The following SMC1B variants were observed in gnomAD, a reference collection of about 807,000 sequenced individuals.
SMC1B encodes the protein structural maintenance of chromosomes protein 1B.
In SMC1B, 60 loss-of-function variants were observed where a neutral mutation model predicts 157.9. That is an observed-to-expected ratio of 0.38 (90% CI 0.31 to 0.47). The LOEUF is 0.47. Ranked by LOEUF, SMC1B falls within the 20% of genes least tolerant of loss-of-function variation. The pLI, the probability that SMC1B is intolerant of heterozygous loss-of-function variation, is 0.99. For missense variants in SMC1B, 1,165 were observed against 1,426.2 expected (o/e 0.82, Z 2.95); for synonymous variants, 445 against 483.0 (o/e 0.92, Z 1.03).
intron 4 of SMC1B, among the ~76,000 whole-genome samples, chr22:45,403,673 A>G (rs542560368): frequency 8.5e-4 from 129 of 152,146 alleles, no homozygotes; most frequent in African/African-American, 3.0e-3. Flanking sequence ...TGCCCAGGCT[A>G]GTCTCGAACT....
At position 45,386,995 on chromosome 22, in the gene SMC1B, T is replaced by C; in HGVS notation, c.1783A>G (p.Ile595Val). 3 of 1,614,088 alleles carry C rather than the reference T, an allele frequency of 1.9e-6. No individual in the cohort carries two copies. Among genetic ancestry groups the C allele is most frequent in the Non-Finnish European group, 2.5e-6 (3 of 1,179,958 alleles). Reference protein sequence around the residue: ...LRELKGCKMVIDVIKTQFPQL... With the variant: ...LRELKGCKMVVDVIKTQFPQL... ...GGAAACTGAGTCTTTATGACATCAA[T>C]CACCATTTTACAGCCTTTAAGCTCC... is the stretch of plus-strand genomic sequence containing the variant. Residue 595 changes from isoleucine (I) to valine (V), a missense_variant, in exon 11 of 25, where the codon ATT becomes GTT. By Grantham distance (29) the Ile-to-Val change is conservative (BLOSUM62 3). Transcript: ENST00000357450.
intron 23 of SMC1B, among the ~76,000 whole-genome samples, chr22:45,347,174 G>C (rs28430795): frequency 2.0e-5 from 3 of 152,024 alleles, no homozygotes; most frequent in African/African-American, 7.3e-5. Flanking sequence ...GCATTCAGGA[G>C]ACAACTCAAG....
chr22:45,383,960 T>C (rs1232997292), intron 11 of SMC1B, among the ~76,000 whole-genome samples: 1 of 152,218 alleles, frequency 6.6e-6, no homozygotes, highest in Non-Finnish European at 1.5e-5. Context: ...ACATGCTAAG[T>C]TCCTCAAATG....
Position 45,359,912 on chromosome 22 carries a change from G to T in SMC1B, c.2755C>A (p.Leu919Met). ...QKEVVSIQTS[L>M]EQKRLEKHNL... is the part of the protein sequence containing the mutation. ...TGCTTCTCTAATCGTTTCTGTTCCA[G>T]AGAAGTTTGAATACTTACAACTTCT... is the stretch of plus-strand genomic sequence containing the variant. The change falls in exon 18 of 25, where the codon CTG (leucine) becomes ATG (methionine). Residue 919 changes from leucine to methionine, a missense_variant. Physicochemically the swap from Leu to Met is conservative, Grantham distance 15. Coordinates refer to ENST00000357450, the MANE Select transcript of SMC1B (RefSeq NM_148674.5). 1 of 1,614,008 alleles carries T rather than the reference G, an allele frequency of 6.2e-7. No homozygotes were observed. Among genetic ancestry groups the T allele is most frequent in the East Asian group, 2.2e-5 (1 of 44,880 alleles).
At chr22:45,347,080 A>G (rs1457984385) in intron 23 of SMC1B, among the ~76,000 whole-genome samples, 1 of 152,238 alleles carries the variant, frequency 6.6e-6, no homozygotes, top group Non-Finnish European at 1.5e-5. Flanking sequence ...TGTGGGATAT[A>G]AAGTGCCAAA....
chr22:45,403,416 A>G (rs2087219165), intron 4 of SMC1B, among the ~76,000 whole-genome samples: 1 of 152,106 alleles, frequency 6.6e-6, no homozygotes, highest in Non-Finnish European at 1.5e-5. Context: ...TGCATTGAGA[A>G]TATAGCAGAA....
chr22:45,368,539 AC>A (rs1240188024), intron 15 of SMC1B, among the ~76,000 whole-genome samples: 1 of 145,422 alleles, frequency 6.9e-6, no homozygotes, highest in Admixed American at 6.9e-5. Context: ...TTTTTCTGAG[AC>A]CGAGTCTCGC....
rs567017725 is a variant in SMC1B, at chr22:45,413,583, G to A, written c.-16C>T. 4.4e-6 allele frequency: 7 copies of A among 1,585,400 alleles called. No individual in the cohort carries two copies. Among genetic ancestry groups the A allele is most frequent in the South Asian group, 1.1e-5 (1 of 87,454 alleles). ...GGTGGGCCATGGCGCCGCCCTCCAC[G>A]CCTCACCCGCGTTATCAAGCGCCCG... is the stretch of plus-strand genomic sequence containing the variant. On this transcript the variant is annotated 5_prime_UTR_variant, in exon 1 of 25. Coordinates refer to ENST00000357450, the MANE Select transcript of SMC1B (RefSeq NM_148674.5).
chr22:45,394,312 G>A (rs2087097288), intron 8 of SMC1B, among the ~76,000 whole-genome samples: 8 of 152,170 alleles, frequency 5.3e-5, no homozygotes. Context: ...GTGAGAGTGA[G>A]ACCCTGTCTC....
intron 12 of SMC1B, among the ~76,000 whole-genome samples, chr22:45,373,692 T>G (rs1183741217): frequency 2.6e-5 from 4 of 152,158 alleles, no homozygotes; most frequent in Non-Finnish European, 5.9e-5. Flanking sequence ...AACTTGGAGG[T>G]TAGAAGCGAG....
Position 45,358,779 on chromosome 22 carries a change from T to G in SMC1B, c.2879A>C (p.Glu960Ala). 1.9e-6 allele frequency: 3 copies of G among 1,612,704 alleles called. No homozygotes were observed. In the East Asian group the frequency reaches 6.7e-5, roughly 36 times the overall value. ...IIEVEMGTEAESTQATIDIYE... is the reference protein window; with the variant it reads ...IIEVEMGTEAASTQATIDIYE... ...GATATCAATTGTTGCCTGGGTACTT[T>G]CTGCTTCAGTTCCCATCTGAAAAAT... The change falls in exon 19 of 25, where the codon GAA becomes GCA. Residue 960 changes from glutamate to alanine, a missense_variant. Glu to Ala is a moderately radical substitution (Grantham distance 107, BLOSUM62 -1). Transcript: ENST00000357450.
At chr22:45,389,541 A>C (rs1332113398) in intron 10 of SMC1B, among the ~76,000 whole-genome samples, 171 bp downstream of exon 10, 3 of 152,202 alleles carry the variant, frequency 2.0e-5, no homozygotes, top group Non-Finnish European at 4.4e-5. Flanking sequence ...TAGCCACTTG[A>C]TATTATTCTT....
intron 19 of SMC1B, among the ~76,000 whole-genome samples, chr22:45,357,371 A>G (rs1374506412): frequency 2.0e-5 from 3 of 152,236 alleles, no homozygotes; most frequent in Non-Finnish European, 2.9e-5. Context: ...ATAAAGTTAA[A>G]TTAAAGCTGG....
At chr22:45,402,846 C>T (rs1464250094) in intron 4 of SMC1B, among the ~76,000 whole-genome samples, 1 of 152,164 alleles carries the variant, frequency 6.6e-6, no homozygotes, top group Non-Finnish European at 1.5e-5. Flanking sequence ...TTTGTCTGGA[C>T]CTGTGAGTTT....
chr22:45,353,914 A>AC (rs1569174416), intron 21 of SMC1B, 64 bp downstream of exon 21: 4 of 786,256 alleles, frequency 5.1e-6, no homozygotes, highest in South Asian at 4.1e-5. Flanking sequence ...AAAAAAAAAA[A>AC]AAAAAACAAC....
intron 24 of SMC1B, among the ~76,000 whole-genome samples, chr22:45,345,203 A>G (rs1174322593): frequency 6.6e-6 from 1 of 152,238 alleles, no homozygotes; most frequent in Non-Finnish European, 1.5e-5. Flanking sequence ...ATTAACATGG[A>G]CTTATTTCAC....
Position 45,399,170 on chromosome 22 carries a change from T to C in SMC1B, c.1038A>G (p.Ala346=), listed in dbSNP as rs558650074. 1.3e-5 allele frequency: 21 copies of C among 1,614,072 alleles called. No homozygotes were observed. Among genetic ancestry groups the C allele is most frequent in the Admixed American group, 3.3e-5 (2 of 60,022 alleles). ...CAATCTGCTTTTCAAAACTTCTCCA[T>C]GCAGCATCTAAATCAGCCAGCTCTG... ...LETELADLDA[A]WRSFEKQIEE... is the part of the protein sequence containing the mutation. The change falls in exon 6 of 25, where the codon GCA becomes GCG. Residue 346 remains alanine, a synonymous_variant. Transcript: ENST00000357450.
intron 15 of SMC1B, among the ~76,000 whole-genome samples, chr22:45,369,372 A>G (rs2086807576): frequency 6.6e-6 from 1 of 151,964 alleles, no homozygotes; most frequent in South Asian, 2.1e-4. Flanking sequence ...CTGGGATTAC[A>G]GGCATGAGCC....
chr22:45,395,104 T>G (rs1158672545), intron 7 of SMC1B, among the ~76,000 whole-genome samples: 1 of 152,188 alleles, frequency 6.6e-6, no homozygotes, highest in Non-Finnish European at 1.5e-5. Flanking sequence ...TGCAACAATC[T>G]AAATATATTC....
Sources: allele counts gnomAD v4.1 joint callset (sites outside exome capture counted in the v4.1 genomes callset), GRCh38; gene constraint gnomAD v4.1.1; transcripts MANE v1.5; gene names NCBI Gene and HGNC (gene_info 2026-07-23, HGNC 2026-07-21).